The following IFT52 variants were observed in gnomAD, a reference collection of about 807,000 sequenced individuals.
The protein encoded by IFT52 is intraflagellar transport 52, also known as intraflagellar transport protein 52 homolog.
Under a neutral mutation model 54.4 loss-of-function variants are expected in IFT52, and 44 were observed. The ratio of observed to expected loss-of-function variants is 0.81; its 90% CI spans 0.63 to 1.04. The LOEUF is 1.04. Among genes scored for constraint, IFT52 ranks in the 50% least tolerant of loss-of-function variants. The probability of loss-of-function intolerance (pLI) is 0.00; values close to 1 mark genes in which losing one functional copy is unlikely to be tolerated. For missense variants in IFT52, 452 were observed against 523.6 expected, an observed-to-expected ratio of 0.86 and a Z score of 1.33; for synonymous variants, 181 against 185.3, an observed-to-expected ratio of 0.98 and a Z score of 0.19.
At chr20:43,638,536 T>C (rs1985700700) in intron 12 of IFT52, among the ~76,000 whole-genome samples, 1 of 152,098 alleles carries the variant, frequency 6.6e-6, no homozygotes, top group African/African-American at 2.4e-5. Context: ...CTCGGGAGGC[T>C]GAGGTAGGAG....
intron 7 of IFT52, 81 bp downstream of exon 7, chr20:43,614,057 C>A: frequency 2.3e-6 from 3 of 1,331,894 alleles, no homozygotes; most frequent in Non-Finnish European, 3.2e-6. Flanking sequence ...TTCCAGAAGG[C>A]TTCTATATGT....
chr20:43,643,839 C>T lies in IFT52; in HGVS notation c.1266+1215C>T, dbSNP rs915374351. Among the ~76,000 whole-genome samples, 5 of 58,536 alleles carry T rather than the reference C, an allele frequency of 8.5e-5. 2 individuals carry two copies. Among genetic ancestry groups the T allele is most frequent in the Non-Finnish European group, 1.2e-4 (3 of 24,340 alleles). The allele number at this position is 58,536 out of a possible 152,430, so 38.4% of individuals were successfully genotyped here. On this transcript the variant is annotated intron_variant, in intron 13 of 13. Coordinates refer to ENST00000373030, the MANE Select transcript of IFT52 (RefSeq NM_016004.5). ...TTCTCAGGCCGGGCACCGTGGCCCA[C>T]ACCTGTAATCCCAGCAATTGGGAGC...
chr20:43,600,736 C>T (rs948293744), intron 3 of IFT52, among the ~76,000 whole-genome samples: 10 of 151,976 alleles, frequency 6.6e-5, no homozygotes, highest in African/African-American at 1.7e-4. Flanking sequence ...TTTGGGAGGC[C>T]GAGGCGGGTG....
In IFT52 at chr20:43,605,032, G is replaced by C. The variant is rs774661383; in HGVS notation, c.444G>C (p.Val148=). Residue 148 remains valine (V), a synonymous_variant, in exon 6 of 14, where the codon GTG becomes GTC. Coordinates refer to ENST00000373030, the MANE Select transcript of IFT52 (RefSeq NM_016004.5). The stretch of plus-strand genomic sequence containing the variant: ...TTAGCCGAGCTGCAGGAAAGGCTGT[G>C]CCTGGGATCATTGATGAGGAAAGCA... ...REISRAAGKA[V]PGIIDEESSG... 3 of 1,613,722 alleles carry C rather than the reference G, an allele frequency of 1.9e-6. No individual in the cohort carries two copies. The South Asian group carries it at 3.3e-5, about 18-fold the overall frequency.
chr20:43,620,857 G>A lies in IFT52; in HGVS notation c.700G>A (p.Asp234Asn), dbSNP rs1984244356. Residue 234 changes from aspartate (D) to asparagine (N), a missense_variant and splice_region_variant, in exon 9 of 14, where the codon GAT (aspartate) becomes AAT (asparagine). Coordinates refer to ENST00000373030, the MANE Select transcript of IFT52 (RefSeq NM_016004.5). ...LDKEENSKIMDVVFQWLTTGD... is the reference protein window; with the variant it reads ...LDKEENSKIMNVVFQWLTTGD... ...TTATATACTTTTTTTTTTAATTTAG[G>A]ATGTTGTTTTCCAGTGGCTCACGAC... The A allele has an allele frequency of 6.2e-7, 1 of 1,604,740 alleles. No individual in the cohort carries two copies. Among genetic ancestry groups the A allele is most frequent in the Non-Finnish European group, 8.5e-7 (1 of 1,175,068 alleles).
intron 9 of IFT52, among the ~76,000 whole-genome samples, chr20:43,622,992 T>C (rs945513217): frequency 2.0e-5 from 3 of 152,078 alleles, no homozygotes; most frequent in Middle Eastern, 3.4e-3. Context: ...GGATCTAGTG[T>C]AGCAGTGGAG....
chr20:43,594,643 T>G, intron 1 of IFT52, 50 bp from the exon 2 acceptor site: 3 of 1,001,958 alleles, frequency 3.0e-6, no homozygotes, highest in Non-Finnish European at 4.8e-6. Context: ...ACTTTTAGGG[T>G]CTTTGGAATA....
At chr20:43,645,762 G>T (rs1216064446) in intron 13 of IFT52, among the ~76,000 whole-genome samples, 1 of 52,418 alleles carries the variant, frequency 1.9e-5, no homozygotes, top group Admixed American at 2.3e-4. Flanking sequence ...TACTTGGGAG[G>T]CTGAGGTGGG....
chr20:43,599,193 A>G (rs946107465), intron 3 of IFT52, among the ~76,000 whole-genome samples: 4 of 152,112 alleles, frequency 2.6e-5, no homozygotes, highest in Non-Finnish European at 5.9e-5. Context: ...GCAACACTCT[A>G]TTGCTTGTTG....
Sources: gnomAD v4.1 joint callset for allele counts (sites outside exome capture counted in the v4.1 genomes callset) on GRCh38, gnomAD v4.1.1 for gene constraint, MANE v1.5 for transcripts, NCBI Gene and HGNC (gene_info 2026-07-23, HGNC 2026-07-21) for gene names.